The following REV1 variants were observed in gnomAD, a reference collection of about 807,000 sequenced individuals.
REV1 encodes translesion synthesis protein REV1.
In REV1, 42 loss-of-function variants were observed where a neutral mutation model predicts 137.4. The observed-to-expected ratio is 0.31, with a 90% CI of 0.24 to 0.40. The LOEUF is 0.40. Among genes scored for constraint, REV1 ranks in the 10% least tolerant of loss-of-function variants. The pLI, the probability that REV1 is intolerant of heterozygous loss-of-function variation, is 1.00. For synonymous variants in REV1, 524 were observed against 519.2 expected, an observed-to-expected ratio of 1.01 and a Z score of -0.12; for missense variants, 1,282 against 1,490.1, an observed-to-expected ratio of 0.86 and a Z score of 2.30.
intron 15 of REV1, chr2:99,406,717 C>G (rs1676343346): frequency 2.9e-6 from 1 of 348,472 alleles, no homozygotes; most frequent in Non-Finnish European, 5.1e-6. Flanking sequence ...ATCCAATTCT[C>G]CCAAAATATA....
At chr2:99,481,051 T>C (rs1471787291) in intron 1 of REV1, among the ~76,000 whole-genome samples, 2 of 152,162 alleles carry the variant, frequency 1.3e-5, no homozygotes, top group African/African-American at 4.8e-5. Flanking sequence ...TCCAACACAG[T>C]AAACTTGAAG....
At chr2:99,478,913 G>C (rs986540444) in intron 1 of REV1, among the ~76,000 whole-genome samples, 1 of 152,164 alleles carries the variant, frequency 6.6e-6, no homozygotes, top group African/African-American at 2.4e-5. Flanking sequence ...TAGAGAAAAG[G>C]ACAGTTCAGT....
intron 9 of REV1, 71 bp downstream of exon 9, chr2:99,429,754 CTTCAAAAGATTATAG>C: frequency 1.4e-6 from 1 of 715,152 alleles, no homozygotes; most frequent in Non-Finnish European, 2.0e-6. Context: ...TTTAAATCCA[CTTCAAAAGATTATAG>C]TTCAAGAAAT....
chr2:99,454,550 C>CAAAAAAAAAA (rs373850478), intron 3 of REV1, among the ~76,000 whole-genome samples: 50 of 82,352 alleles, frequency 6.1e-4, no homozygotes, highest in African/African-American at 1.7e-3. Flanking sequence ...AACTCCAGCT[C>CAAAAAAAAAA]AAAAAAAAAA....
chr2:99,434,476 G>C (rs762592721), intron 7 of REV1, 28 bp from the exon 8 acceptor site: 3 of 1,511,160 alleles, frequency 2.0e-6, no homozygotes, highest in South Asian at 2.4e-5. Flanking sequence ...AATTATTTCT[G>C]TATGTGGTAC....
chr2:99,448,982 TAC>T, intron 4 of REV1, among the ~76,000 whole-genome samples: 1 of 152,318 alleles, frequency 6.6e-6, no homozygotes, highest in Non-Finnish European at 1.5e-5. Flanking sequence ...ATATATTAGT[TAC>T]AATTTTATAA....
At chr2:99,403,846 C>A (rs750334456) in intron 18 of REV1, 31 bp from the exon 19 acceptor site, 1 of 1,611,446 alleles carries the variant, frequency 6.2e-7, no homozygotes, top group Non-Finnish European at 8.5e-7. Flanking sequence ...AAAGTCAAAC[C>A]TGAGCTAATT....
intron 15 of REV1, among the ~76,000 whole-genome samples, chr2:99,407,425 G>A (rs1676488929): frequency 2.0e-5 from 3 of 151,514 alleles, no homozygotes; most frequent in Admixed American, 2.0e-4. Context: ...GGTAGCGGGT[G>A]CCTGTACCCC....
intron 8 of REV1, among the ~76,000 whole-genome samples, chr2:99,431,390 G>A (rs1203002031): frequency 1.3e-5 from 2 of 152,118 alleles, no homozygotes; most frequent in African/African-American, 2.4e-5. Context: ...GGTTTTAAAA[G>A]GGTAAATATA....
Position 99,403,678 on chromosome 2 carries a change from C to A in REV1, c.3166+17G>T. 6.2e-7 allele frequency: 1 copy of A among 1,613,532 alleles called. No homozygotes were observed. The highest frequency in any genetic ancestry group is 8.5e-7 in the Non-Finnish European group (1 of 1,179,920). On this transcript the variant is annotated intron_variant, in intron 19 of 22. Coordinates refer to ENST00000258428, the MANE Select transcript of REV1 (RefSeq NM_016316.4). ...TCTTTGTCTTCATTTTTGTTACATG[C>A]CACTTCCAAGGCTCACCAGATGCGC...
At chr2:99,441,921 T>C (rs1295308606) in intron 5 of REV1, among the ~76,000 whole-genome samples, 1 of 152,288 alleles carries the variant, frequency 6.6e-6, no homozygotes, top group South Asian at 2.1e-4. Flanking sequence ...TCTGCTTCTG[T>C]CTGACTGTAA....
At position 99,481,850 on chromosome 2, in the gene REV1, G is replaced by A. The variant is rs141913276; in HGVS notation, c.-11+7967C>T. ...CACCACTGTGACACAGTGAGACCCC[G>A]TCCCTAAAAAAACAAAAACAAAAAA... On this transcript the variant is annotated intron_variant, in intron 1 of 22. Transcript: ENST00000258428. 1.9e-3 allele frequency among the ~76,000 whole-genome samples: 283 copies of A among 152,200 alleles called. 1 individual carries two copies. Among genetic ancestry groups the A allele is most frequent in the East Asian group, 6.0e-3 (31 of 5,180 alleles).
chr2:99,449,774 G>T (rs963019543), intron 3 of REV1, among the ~76,000 whole-genome samples: 4 of 152,072 alleles, frequency 2.6e-5, no homozygotes, highest in African/African-American at 7.2e-5. Context: ...CTCAAGTAAT[G>T]AATCAAATAC....
chr2:99,473,774 T>C (rs925139273), intron 1 of REV1, among the ~76,000 whole-genome samples: 2 of 152,242 alleles, frequency 1.3e-5, no homozygotes, highest in Non-Finnish European at 2.9e-5. Flanking sequence ...TCTATCAAAG[T>C]GGCACACAGC....
intron 1 of REV1, among the ~76,000 whole-genome samples, chr2:99,489,307 G>C (rs1022323546): frequency 7.2e-5 from 11 of 152,186 alleles, no homozygotes; most frequent in African/African-American, 2.4e-4. Flanking sequence ...GCTGTGGCTG[G>C]AGTGCGGGTG....
chr2:99,403,289 T>C (rs1675761671), intron 19 of REV1, 183 bp from the exon 20 acceptor site: 3 of 604,980 alleles, frequency 5.0e-6, no homozygotes, highest in South Asian at 2.1e-5. Flanking sequence ...AATTCTCTCT[T>C]TGCTTTGCCA....
chr2:99,483,133 C>T (rs1214454082), intron 1 of REV1, among the ~76,000 whole-genome samples: 3 of 150,232 alleles, frequency 2.0e-5, no homozygotes, highest in Non-Finnish European at 4.4e-5. Flanking sequence ...AAAAAAAAGG[C>T]TTAAAATAAA....
intron 4 of REV1, among the ~76,000 whole-genome samples, chr2:99,448,141 C>T (rs1682462587): frequency 6.6e-6 from 1 of 152,122 alleles, no homozygotes; most frequent in African/African-American, 2.4e-5. Flanking sequence ...GCTAAATACA[C>T]TATACAAAGG....
intron 1 of REV1, among the ~76,000 whole-genome samples, chr2:99,489,424 G>C (rs1315812651): frequency 6.6e-6 from 1 of 151,840 alleles, no homozygotes; most frequent in Non-Finnish European, 1.5e-5. Context: ...CCGAGGCGCC[G>C]GCGCAGGAGG....
Sources: allele counts gnomAD v4.1 joint callset (sites outside exome capture counted in the v4.1 genomes callset), GRCh38; gene constraint gnomAD v4.1.1; transcripts MANE v1.5; gene names NCBI Gene and HGNC (gene_info 2026-07-23, HGNC 2026-07-21).